ZNF644: variants seen among roughly 807,000 people sequenced by gnomAD.
ZNF644 encodes zinc finger motif enhancer binding protein 2.
In ZNF644, 20 loss-of-function variants were observed where a neutral mutation model predicts 108.0. The ratio of observed to expected loss-of-function variants is 0.19; its 90% CI spans 0.13 to 0.27. ZNF644 has a LOEUF of 0.27. ZNF644 is among the 10% of genes least tolerant of loss of function. The pLI is 1.00. For synonymous variants in ZNF644, 542 were observed against 539.1 expected, an observed-to-expected ratio of 1.01 and a Z score of -0.08; for missense variants, 1,338 against 1,548.9, an observed-to-expected ratio of 0.86 and a Z score of 2.29.
In ZNF644 at chr1:90,917,004, A is replaced by ACAATTCTCTTAACATGAC. The variant is rs779971351; in HGVS notation, c.3792-32_3792-15dup. ...AGGCCACAAAACCTACAGAAAGATA[A>ACAATTCTCTTAACATGAC]CAATTCTCTTAACATGACCAATTCT... On this transcript the variant is annotated splice_polypyrimidine_tract_variant and intron_variant, in intron 5 of 5. Transcript: ENST00000337393. 30 of 1,613,766 alleles carry ACAATTCTCTTAACATGAC rather than the reference A, an allele frequency of 1.9e-5. No individual in the cohort carries two copies. Among genetic ancestry groups the ACAATTCTCTTAACATGAC allele is most frequent in the Non-Finnish European group, 2.4e-5 (28 of 1,179,750 alleles).
intron 2 of ZNF644, among the ~76,000 whole-genome samples, chr1:90,959,322 G>A (rs1654087253): frequency 6.6e-6 from 1 of 152,138 alleles, no homozygotes; most frequent in Non-Finnish European, 1.5e-5. Flanking sequence ...GGGATAATAA[G>A]TATGGATAAT....
chr1:90,982,641 A>G (rs1251417167), intron 1 of ZNF644, among the ~76,000 whole-genome samples: 1 of 152,096 alleles, frequency 6.6e-6, no homozygotes, highest in Non-Finnish European at 1.5e-5. Flanking sequence ...AAAAAATTCT[A>G]AATTGTTTTC....
At chr1:90,944,834 T>G (rs961079574) in intron 2 of ZNF644, among the ~76,000 whole-genome samples, 1 of 152,042 alleles carries the variant, frequency 6.6e-6, no homozygotes, top group Admixed American at 6.5e-5. Flanking sequence ...CAAATATACT[T>G]CTTCTTAGTA....
At chr1:91,015,755 C>T (rs971879017) in intron 1 of ZNF644, among the ~76,000 whole-genome samples, 2 of 152,134 alleles carry the variant, frequency 1.3e-5, no homozygotes, top group African/African-American at 2.4e-5. Flanking sequence ...TTGTCTTTAT[C>T]GGCATGGCTT....
In ZNF644 at chr1:90,940,803, G is replaced by A. The variant is rs768607138; in HGVS notation, c.551C>T (p.Ala184Val). 11 of 1,613,804 alleles carry A rather than the reference G, an allele frequency of 6.8e-6. No homozygotes were observed. The highest frequency in any genetic ancestry group is 5.9e-6 in the Non-Finnish European group (7 of 1,179,966). Residue 184 changes from alanine (A) to valine (V), a missense_variant, in exon 3 of 6, where the codon GCT becomes GTT. Physicochemically the swap from Ala to Val is moderately conservative, Grantham distance 64. Around this residue, in one of 6 missense-constraint regions of ZNF644, gnomAD observed 464 missense variants for 457.9 expected, o/e 1.01. Coordinates refer to ENST00000337393, the MANE Select transcript of ZNF644 (RefSeq NM_201269.3). ...VLFLLSDVAH[A>V]KNPTHSNKKL... The stretch of plus-strand genomic sequence containing the variant: ...TTTATTGGAATGGGTGGGATTCTTA[G>A]CATGTGCTACATCTGATAACAAAAA...
At chr1:91,003,600 G>A (rs971885611) in intron 1 of ZNF644, among the ~76,000 whole-genome samples, 2 of 152,110 alleles carry the variant, frequency 1.3e-5, no homozygotes, top group Non-Finnish European at 2.9e-5. Context: ...GTTAATAGGT[G>A]CAGCACACCA....
rs115319338 is a variant in ZNF644, at chr1:90,984,249, C to T, written c.-17-1879G>A. 9.1e-3 allele frequency among the ~76,000 whole-genome samples: 1,392 copies of T among 152,268 alleles called. 11 individuals carry two copies. Among genetic ancestry groups the T allele is most frequent in the Middle Eastern group, 0.034 (10 of 294 alleles). ...TAATACACTGAAGACAGCAAGTTCT[C>T]AAGGAGATAAACTGGAAGCACCCCT... On this transcript the variant is annotated intron_variant, in intron 1 of 5. Transcript: ENST00000337393.
chr1:90,976,767 A>C (rs1220591491), intron 2 of ZNF644, among the ~76,000 whole-genome samples: 1 of 152,176 alleles, frequency 6.6e-6, no homozygotes, highest in African/African-American at 2.4e-5. Flanking sequence ...ACAGATATAC[A>C]GTTGACCCTT....
At chr1:90,935,209 A>G (rs1164240730) in intron 4 of ZNF644, among the ~76,000 whole-genome samples, 1 of 152,230 alleles carries the variant, frequency 6.6e-6, no homozygotes, top group Non-Finnish European at 1.5e-5. Context: ...TTAAGTCAAT[A>G]AGAGCCAAAA....
intron 4 of ZNF644, among the ~76,000 whole-genome samples, chr1:90,924,377 A>T (rs1649787769): frequency 6.6e-6 from 1 of 152,196 alleles, no homozygotes; most frequent in South Asian, 2.1e-4. Context: ...AATAAACATT[A>T]AAGTACATAA....
At position 90,940,255 on chromosome 1, in the gene ZNF644, G is replaced by A; in HGVS notation, c.1099C>T (p.Pro367Ser). ...GAACTCTCTTCTCCACACTTATCTGGGTTATAAATTAGATGTTGGAAGGCA... is the reference window on the plus strand; with the variant it reads ...GAACTCTCTTCTCCACACTTATCTGAGTTATAAATTAGATGTTGGAAGGCA... ...VDAFQHLIYN[P>S]DKCGEESSPV... is the part of the protein sequence containing the mutation. The change falls in exon 3 of 6, where the codon CCA (proline) becomes TCA (serine). Residue 367 changes from proline (P) to serine (S), a missense_variant. By Grantham distance (74) the Pro-to-Ser change is moderately conservative. Around this residue, in one of 6 missense-constraint regions of ZNF644, gnomAD observed 464 missense variants for 457.9 expected, o/e 1.01. Coordinates refer to ENST00000337393, the MANE Select transcript of ZNF644 (RefSeq NM_201269.3). The A allele has an allele frequency of 1.2e-6, 2 of 1,613,800 alleles. No homozygotes were observed. The highest frequency in any genetic ancestry group is 1.7e-6 in the Non-Finnish European group (2 of 1,179,912).
rs140746782 is a variant in ZNF644 at position 90,940,361 on chromosome 1, C to G, written c.993G>C (p.Glu331Asp). The change falls in exon 3 of 6, where the codon GAG (glutamate) becomes GAC (aspartate). Residue 331 changes from glutamate (E) to aspartate (D), a missense_variant. Around this residue, in one of 6 missense-constraint regions of ZNF644, gnomAD observed 464 missense variants for 457.9 expected, o/e 1.01. Transcript: ENST00000337393. ...ATTTCTGTGAGTCTACTGCTTGTAG[C>G]TCTTCATTTTGTTCTAGAAAGTCTA... ...QEVDFLEQNE[E>D]LQAVDSQKYA... 4 of 1,613,542 alleles carry G rather than the reference C, an allele frequency of 2.5e-6. No homozygotes were observed. Among genetic ancestry groups the G allele is most frequent in the East Asian group, 2.2e-5 (1 of 44,864 alleles).
chr1:90,971,751 A>T (rs930288929), intron 2 of ZNF644, among the ~76,000 whole-genome samples: 1 of 152,062 alleles, frequency 6.6e-6, no homozygotes, highest in Non-Finnish European at 1.5e-5. Flanking sequence ...ATTGTACTAG[A>T]ATTCCTAGCC....
chr1:91,014,483 AT>A lies in ZNF644; in HGVS notation c.-18+7506del, dbSNP rs1660259226. 2.0e-5 allele frequency among the ~76,000 whole-genome samples: 3 copies of A among 152,262 alleles called. No individual in the cohort carries two copies. The South Asian group carries it at 6.2e-4, about 32-fold the overall frequency. On this transcript the variant is annotated intron_variant, in intron 1 of 5. Transcript: ENST00000337393. Reference sequence around the variant, plus strand: ...TTTTCAGATAGCTATAAATTATACAATTTTTCATCTATATTTTACTTATATA... The same window carrying A: ...TTTTCAGATAGCTATAAATTATACAATTTTCATCTATATTTTACTTATATA...
chr1:90,971,818 C>T (rs1278265586), intron 2 of ZNF644, among the ~76,000 whole-genome samples: 1 of 152,198 alleles, frequency 6.6e-6, no homozygotes, highest in African/African-American at 2.4e-5. Context: ...GGGAGTCTGA[C>T]TGCTCTCCCA....
chr1:90,992,236 C>G (rs1250552472), intron 1 of ZNF644, among the ~76,000 whole-genome samples: 2 of 152,016 alleles, frequency 1.3e-5, no homozygotes, highest in East Asian at 3.9e-4. Flanking sequence ...ATACAGACGT[C>G]AAATCTGTTC....
Position 90,937,617 on chromosome 1 carries a change from A to C in ZNF644, c.3556T>G (p.Ser1186Ala). 6.2e-7 allele frequency: 1 copy of C among 1,613,910 alleles called. No homozygotes were observed. Among genetic ancestry groups the C allele is most frequent in the Non-Finnish European group, 8.5e-7 (1 of 1,179,848 alleles). Reference sequence around the variant, plus strand: ...TGGATCTTTTGAGGAGAAATAGCAGAATTCCTTTCTTCTCCCATCCTTTTA... The same window carrying C: ...TGGATCTTTTGAGGAGAAATAGCAGCATTCCTTTCTTCTCCCATCCTTTTA... ...KNKRMGEERN[S>A]AISPQKIHNQ... Residue 1186 changes from serine to alanine, a missense_variant, in exon 4 of 6, where the codon TCT becomes GCT. Around this residue, in one of 6 missense-constraint regions of ZNF644, gnomAD observed 287 missense variants for 310.9 expected, o/e 0.92. Coordinates refer to ENST00000337393, the MANE Select transcript of ZNF644 (RefSeq NM_201269.3).
intron 2 of ZNF644, among the ~76,000 whole-genome samples, chr1:90,958,434 T>C (rs565003562): frequency 1.3e-5 from 2 of 151,924 alleles, no homozygotes; most frequent in African/African-American, 4.8e-5. Context: ...TCTATCCCTA[T>C]CAAAATTCTA....
chr1:90,940,411 G>A lies in ZNF644; in HGVS notation c.943C>T (p.Pro315Ser). Residue 315 changes from proline to serine, a missense_variant, in exon 3 of 6, where the codon CCC (proline) becomes TCC (serine). By Grantham distance (74) the Pro-to-Ser change is moderately conservative. This residue lies in a region of ZNF644 where 464 missense variants were observed against 457.9 expected (regional missense o/e 1.01). Transcript: ENST00000337393. ...EDCFSDSNCV[P>S]NKSKMQEVDF... ...ACTTCTTGCATTTTTGATTTATTGGGTACACAATTAGAATCACTAAAGCAA... is the reference window on the plus strand; with the variant it reads ...ACTTCTTGCATTTTTGATTTATTGGATACACAATTAGAATCACTAAAGCAA... 7 of 1,613,324 alleles carry A rather than the reference G, an allele frequency of 4.3e-6. No individual in the cohort carries two copies. The highest frequency in any genetic ancestry group is 5.9e-6 in the Non-Finnish European group (7 of 1,179,880).
Sources: gnomAD v4.1 joint callset for allele counts (sites outside exome capture counted in the v4.1 genomes callset) on GRCh38, gnomAD v4.1.1 for gene constraint, gnomAD v4.1.1 regional missense constraint, MANE v1.5 for transcripts, NCBI Gene and HGNC (gene_info 2026-07-23, HGNC 2026-07-21) for gene names.